The following PRKD1 variants were observed in gnomAD, a reference collection of about 807,000 sequenced individuals.
The protein encoded by PRKD1 is serine/threonine-protein kinase D1.
In PRKD1, 63 loss-of-function variants were observed where a neutral mutation model predicts 95.9. The observed-to-expected ratio is 0.66, with a 90% CI of 0.54 to 0.81. PRKD1 has a LOEUF of 0.81. PRKD1 is among the 30% of genes least tolerant of loss of function. The probability of loss-of-function intolerance (pLI) is 0.00; values close to 1 mark genes in which losing one functional copy is unlikely to be tolerated. For missense variants in PRKD1, 1,048 were observed against 1,165.3 expected (o/e 0.90, Z 1.47); for synonymous variants, 425 against 423.1 (o/e 1.00, Z -0.05).
chr14:29,898,539 A>C (rs1894210400), intron 1 of PRKD1, among the ~76,000 whole-genome samples: 1 of 152,206 alleles, frequency 6.6e-6, no homozygotes, highest in Non-Finnish European at 1.5e-5. Context: ...TGAATATTAC[A>C]TATCATTACA....
intron 2 of PRKD1, among the ~76,000 whole-genome samples, chr14:29,694,919 C>T (rs1884427232): frequency 6.6e-6 from 1 of 152,068 alleles, no homozygotes; most frequent in South Asian, 2.1e-4. Flanking sequence ...GAATATAAAG[C>T]CTTAGAAGTC....
chr14:29,651,164 A>G (rs1311383453), intron 4 of PRKD1, among the ~76,000 whole-genome samples: 1 of 152,256 alleles, frequency 6.6e-6, no homozygotes. Flanking sequence ...ATTACAAAAG[A>G]GAAAGAGACA....
chr14:29,736,341 G>T (rs45453093), intron 1 of PRKD1, among the ~76,000 whole-genome samples: 1 of 152,070 alleles, frequency 6.6e-6, no homozygotes, highest in Non-Finnish European at 1.5e-5. Context: ...TAGCAAAATC[G>T]TACTTTAAAA....
intron 4 of PRKD1, among the ~76,000 whole-genome samples, chr14:29,654,112 A>G (rs189460792): frequency 1.3e-3 from 192 of 152,044 alleles, no homozygotes; most frequent in Non-Finnish European, 2.4e-3. Flanking sequence ...AGTATAACCT[A>G]TTTGGATTCT....
intron 1 of PRKD1, among the ~76,000 whole-genome samples, chr14:29,753,474 T>C (rs1399383469): frequency 6.6e-6 from 1 of 152,142 alleles, no homozygotes; most frequent in African/African-American, 2.4e-5. Flanking sequence ...TTGGGTCTAC[T>C]TTTGACTTCT....
rs1333856595 is a variant in PRKD1, at chr14:29,576,875, C to A, written c.*363G>T. On this transcript the variant is annotated 3_prime_UTR_variant, in exon 18 of 18. Coordinates refer to ENST00000331968, the MANE Select transcript of PRKD1 (RefSeq NM_002742.3). ...CAATGACAACACCAATGGGACACAC[C>A]AAACAGAACTACTTCACAGATACAT... The A allele has an allele frequency of 7.1e-6, 2 of 279,788 alleles. No homozygotes were observed. The highest frequency in any genetic ancestry group is 1.4e-5 in the Non-Finnish European group (2 of 143,118). The allele number at this position is 279,788 out of a possible 1,614,324, so 17.3% of individuals were successfully genotyped here.
At chr14:29,744,959 A>T (rs534875991) in intron 1 of PRKD1, among the ~76,000 whole-genome samples, 1 of 152,076 alleles carries the variant, frequency 6.6e-6, no homozygotes, top group Non-Finnish European at 1.5e-5. Flanking sequence ...AAACTATTAC[A>T]TCGCCACCTC....
intron 1 of PRKD1, among the ~76,000 whole-genome samples, chr14:29,876,343 G>C (rs894331627): frequency 1.3e-5 from 2 of 152,124 alleles, no homozygotes; most frequent in Non-Finnish European, 2.9e-5. Context: ...TCAAGAGTTT[G>C]CCTACAAATG....
At chr14:29,714,653 G>T (rs1464856206) in intron 2 of PRKD1, among the ~76,000 whole-genome samples, 2 of 152,106 alleles carry the variant, frequency 1.3e-5, no homozygotes, top group Non-Finnish European at 2.9e-5. Flanking sequence ...AAAGACACAT[G>T]CACACATATG....
At chr14:29,614,476 C>G (rs1197713398) in intron 13 of PRKD1, among the ~76,000 whole-genome samples, 1 of 152,024 alleles carries the variant, frequency 6.6e-6, no homozygotes, top group Non-Finnish European at 1.5e-5. Context: ...TATTCACTCA[C>G]CAATTTATGA....
intron 1 of PRKD1, among the ~76,000 whole-genome samples, chr14:29,867,322 G>A (rs531724233): frequency 6.6e-6 from 1 of 152,216 alleles, no homozygotes; most frequent in Non-Finnish European, 1.5e-5. Context: ...TCTTCAAGGA[G>A]TGACATTTAA....
chr14:29,762,034 A>G (rs1452331688), intron 1 of PRKD1, among the ~76,000 whole-genome samples: 1 of 152,064 alleles, frequency 6.6e-6, no homozygotes, highest in African/African-American at 2.4e-5. Context: ...GGCCTCCCAC[A>G]GCACAAGGAT....
chr14:29,841,651 C>T (rs1475222960), intron 1 of PRKD1, among the ~76,000 whole-genome samples: 1 of 152,142 alleles, frequency 6.6e-6, no homozygotes, highest in African/African-American at 2.4e-5. Flanking sequence ...ACTATAAGTC[C>T]ATTAAACCTC....
At chr14:29,706,841 G>C (rs34684064) in intron 2 of PRKD1, among the ~76,000 whole-genome samples, 1 of 152,070 alleles carries the variant, frequency 6.6e-6, no homozygotes, top group African/African-American at 2.4e-5. Flanking sequence ...AGAAAAAGTT[G>C]CCTCACCCAA....
intron 9 of PRKD1, among the ~76,000 whole-genome samples, chr14:29,632,299 A>G (rs1042844606): frequency 2.0e-5 from 3 of 152,020 alleles, no homozygotes; most frequent in Non-Finnish European, 4.4e-5. Context: ...GTCTGCATTC[A>G]TTTTGAAGGA....
chr14:29,889,670 A>G lies in PRKD1; in HGVS notation c.264+37579T>C, dbSNP rs184032778. Among the ~76,000 whole-genome samples the G allele has an allele frequency of 5.6e-3, 851 of 152,330 alleles. 3 individuals are homozygous for G. Among genetic ancestry groups the G allele is most frequent in the Non-Finnish European group, 7.7e-3 (522 of 68,032 alleles). ...AACCAAACACTGCATGTTCTCACTC[A>G]TAAGTGGGAGCTGAACAACGAGAAC... On this transcript the variant is annotated intron_variant, in intron 1 of 17. Transcript: ENST00000331968.
chr14:29,611,093 A>C (rs147752374), intron 13 of PRKD1, among the ~76,000 whole-genome samples: 56 of 152,360 alleles, frequency 3.7e-4, no homozygotes, highest in African/African-American at 1.3e-3. Context: ...ACATTTGTCC[A>C]AACCCATGGA....
At chr14:29,682,329 A>T (rs1883584701) in intron 2 of PRKD1, among the ~76,000 whole-genome samples, 1 of 152,192 alleles carries the variant, frequency 6.6e-6, no homozygotes. Flanking sequence ...TACAAATGAG[A>T]AGAATTTCCT....
Position 29,577,518 on chromosome 14 carries a change from A to G in PRKD1, c.2521-62T>C, listed in dbSNP as rs144850180. 803 of 1,491,014 alleles carry G rather than the reference A, an allele frequency of 5.4e-4. 1 individual carries two copies. The highest frequency in any genetic ancestry group is 6.5e-4 in the Non-Finnish European group (701 of 1,074,268). The allele number at this position is 1,491,014 out of a possible 1,614,324, so 92.4% of individuals were successfully genotyped here. On this transcript the variant is annotated intron_variant, in intron 17 of 17. Coordinates refer to ENST00000331968, the MANE Select transcript of PRKD1 (RefSeq NM_002742.3). ...ATTACAACTCAACATACTGTTTCAT[A>G]TGATGTCAGTTTCTGCAATCTATGA...
Sources: gnomAD v4.1 joint callset for allele counts (sites outside exome capture counted in the v4.1 genomes callset) on GRCh38, gnomAD v4.1.1 for gene constraint, MANE v1.5 for transcripts, NCBI Gene and HGNC (gene_info 2026-07-23, HGNC 2026-07-21) for gene names.